Variants in ZNF599 observed in about 807,000 individuals in gnomAD.
ZNF599 encodes zinc finger protein 599.
ZNF599 carries 10 observed loss-of-function variants against 11.7 expected under a neutral mutation model. The observed-to-expected ratio is 0.86, with a 90% confidence interval of 0.53 to 1.45. The LOEUF is 1.45. Among genes scored for constraint, ZNF599 ranks in the 40% most tolerant of loss-of-function variants. The pLI is 0.00. For synonymous variants in ZNF599, 232 were observed against 253.2 expected, an observed-to-expected ratio of 0.92 and a Z score of 0.79; for missense variants, 688 against 713.6, an observed-to-expected ratio of 0.96 and a Z score of 0.41.
At chr19:34,784,004 G>T in the ZNF599 span, among the ~76,000 whole-genome samples, 1 of 152,178 alleles carries the variant, frequency 6.6e-6, no homozygotes, top group Non-Finnish European at 1.5e-5. Flanking sequence ...AGCTCATCCT[G>T]CCCAAGACCC....
At chr19:34,801,094 T>C in the ZNF599 span, among the ~76,000 whole-genome samples, 84,676 of 152,068 alleles carry the variant, frequency 0.56, 24,033 homozygotes, top group African/African-American at 0.6. Context: ...TCACAGTCAG[T>C]GATCTGAGGA....
chr19:34,784,973 A>G, the ZNF599 span, among the ~76,000 whole-genome samples: 4 of 148,102 alleles, frequency 2.7e-5, no homozygotes, highest in Non-Finnish European at 4.5e-5. Flanking sequence ...TTGGATTCTC[A>G]TAACCCGAAT....
the ZNF599 span, among the ~76,000 whole-genome samples, chr19:34,796,046 C>T: frequency 6.6e-6 from 1 of 152,040 alleles, no homozygotes; most frequent in African/African-American, 2.4e-5. Context: ...GTCTCGAACT[C>T]CCGACCTCAG....
In ZNF599 at chr19:34,760,053, T is replaced by C; in HGVS notation, c.748A>G (p.Thr250Ala). Residue 250 changes from threonine to alanine, a missense_variant, in exon 4 of 4, where the codon ACT (threonine) becomes GCT (alanine). Coordinates refer to ENST00000329285, the MANE Select transcript of ZNF599 (RefSeq NM_001007248.3). ...ATACACTTGTATGGTTTTTCCCCAG[T>C]ATGAAGCCTCATATGTCGAATGACA... Reference protein sequence around the residue: ...ADVIRHMRLHTGEKPYKCIEC... With the variant: ...ADVIRHMRLHAGEKPYKCIEC... 6.2e-7 allele frequency: 1 copy of C among 1,614,098 alleles called. No homozygotes were observed. The highest frequency in any genetic ancestry group is 1.1e-5 in the South Asian group (1 of 91,074).
chr19:34,792,679 C>T, the ZNF599 span, among the ~76,000 whole-genome samples: 535 of 152,040 alleles, frequency 3.5e-3, 4 homozygotes, highest in African/African-American at 0.012. Context: ...CTGGCTAACA[C>T]GGTGAAAACC....
chr19:34,790,391 A>C, the ZNF599 span, among the ~76,000 whole-genome samples: 1 of 152,242 alleles, frequency 6.6e-6, no homozygotes, highest in Admixed American at 6.5e-5. Flanking sequence ...AATGAATACA[A>C]AGTGAAATGA....
chr19:34,779,702 A>G, the ZNF599 span: 2 of 305,038 alleles, frequency 6.6e-6, no homozygotes, highest in Non-Finnish European at 1.3e-5. Flanking sequence ...AAAGGGTTTA[A>G]TTTGCTGCAC....
the ZNF599 span, among the ~76,000 whole-genome samples, chr19:34,781,386 C>T: frequency 1.9e-3 from 288 of 152,254 alleles, no homozygotes; most frequent in African/African-American, 6.5e-3. Flanking sequence ...TTTTTCAACA[C>T]TATGTTCACA....
chr19:34,769,076 G>A (rs899962389), intron 2 of ZNF599, among the ~76,000 whole-genome samples: 5 of 152,284 alleles, frequency 3.3e-5, no homozygotes, highest in Middle Eastern at 3.4e-3. Context: ...TCAATCACCC[G>A]CTGCTTGTAG....
At chr19:34,770,894 A>G (rs1229336256) in intron 1 of ZNF599, among the ~76,000 whole-genome samples, 1 of 152,176 alleles carries the variant, frequency 6.6e-6, no homozygotes, top group Non-Finnish European at 1.5e-5. Context: ...TCCACCTGCT[A>G]GAGAGAGGCC....
At chr19:34,767,807 T>C (rs980138659) in intron 2 of ZNF599, among the ~76,000 whole-genome samples, 1 of 152,156 alleles carries the variant, frequency 6.6e-6, no homozygotes, top group Admixed American at 6.5e-5. Flanking sequence ...CATGGAGGCC[T>C]ACTGCCCCAC....
In ZNF599 at chr19:34,759,518, C is replaced by T. The variant is rs1197950255; in HGVS notation, c.1283G>A (p.Cys428Tyr). The T allele has an allele frequency of 1.9e-6, 3 of 1,614,092 alleles. No homozygotes were observed. Among genetic ancestry groups the T allele is most frequent in the African/African-American group, 2.7e-5 (2 of 75,028 alleles). ...TGEKPFECKE[C>Y]GKAFCDSSSL... ...AGAGCTGTCACAAAAGGCCTTCCCA[C>T]ATTCTTTGCACTCAAAGGGCTTCTC... is the stretch of plus-strand genomic sequence containing the variant. Residue 428 changes from cysteine (C) to tyrosine (Y), a missense_variant, in exon 4 of 4, where the codon TGT becomes TAT. Coordinates refer to ENST00000329285, the MANE Select transcript of ZNF599 (RefSeq NM_001007248.3).
At chr19:34,801,340 G>A in the ZNF599 span, among the ~76,000 whole-genome samples, 13 of 152,320 alleles carry the variant, frequency 8.5e-5, no homozygotes, top group Non-Finnish European at 1.6e-4. Flanking sequence ...TTTCTCCAGC[G>A]TGAATTCTTT....
Position 34,758,319 on chromosome 19 carries a change from CA to C in ZNF599, c.*714del, listed in dbSNP as rs1445212034. On this transcript the variant is annotated 3_prime_UTR_variant, in exon 4 of 4. Transcript: ENST00000329285. Reference sequence around the variant, plus strand: ...CACAGAACCTAACTACCACGAGTAACAATTCACTGCATATAAATGTACATGT... The same window carrying C: ...CACAGAACCTAACTACCACGAGTAACATTCACTGCATATAAATGTACATGT... 6.6e-6 allele frequency: 1 copy of C among 152,204 alleles called. No homozygotes were observed. The highest frequency in any genetic ancestry group is 2.4e-5 in the African/African-American group (1 of 41,444). The allele number at this position is 152,204 out of a possible 1,614,324, so 9.4% of individuals were successfully genotyped here. A position where few individuals can be genotyped will look rare whatever the true frequency, so the allele number is the denominator to read the frequency against.
At chr19:34,771,408 G>A (rs1350963243) in intron 1 of ZNF599, among the ~76,000 whole-genome samples, 2 of 152,130 alleles carry the variant, frequency 1.3e-5, no homozygotes, top group Non-Finnish European at 2.9e-5. Flanking sequence ...TGAGAAGAAG[G>A]GCGTTAAATA....
the ZNF599 span, among the ~76,000 whole-genome samples, chr19:34,778,905 T>C: frequency 3.3e-5 from 5 of 152,298 alleles, no homozygotes; most frequent in South Asian, 4.1e-4. Flanking sequence ...AAAGTAGATA[T>C]ATGGGTGGCA....
chr19:34,783,474 G>T, the ZNF599 span, among the ~76,000 whole-genome samples: 1 of 152,078 alleles, frequency 6.6e-6, no homozygotes, highest in Admixed American at 6.5e-5. Flanking sequence ...TAGGGCAGGG[G>T]GACAGTGTCC....
At chr19:34,781,120 T>C in the ZNF599 span, among the ~76,000 whole-genome samples, 7 of 149,718 alleles carry the variant, frequency 4.7e-5, no homozygotes, top group South Asian at 2.1e-4. Flanking sequence ...AGCGCCACTG[T>C]ACTCCAGCCT....
the ZNF599 span, among the ~76,000 whole-genome samples, chr19:34,806,939 G>A: frequency 6.6e-6 from 1 of 152,172 alleles, no homozygotes; most frequent in Non-Finnish European, 1.5e-5. Flanking sequence ...ATGCTTTGGT[G>A]TTTGGGTTTC....
Sources: allele counts gnomAD v4.1 joint callset (sites outside exome capture counted in the v4.1 genomes callset), GRCh38; gene constraint gnomAD v4.1.1; transcripts MANE v1.5; gene names NCBI Gene and HGNC (gene_info 2026-07-23, HGNC 2026-07-21).